The following SIPA1L1 variants were observed in gnomAD, a reference collection of about 807,000 sequenced individuals.
SIPA1L1 encodes the protein signal-induced proliferation-associated 1-like protein 1.
A neutral mutation model predicts 162.7 loss-of-function variants in SIPA1L1; 26 were observed. The ratio of observed to expected loss-of-function variants is 0.16; its 90% CI spans 0.12 to 0.22. The LOEUF is 0.22. Among genes scored for constraint, SIPA1L1 ranks in the 10% least tolerant of loss-of-function variants. SIPA1L1 has a pLI of 1.00. For missense variants in SIPA1L1, 1,874 were observed against 2,241.0 expected (o/e 0.84, Z 3.31); for synonymous variants, 829 against 837.4 (o/e 0.99, Z 0.17).
intron 12 of SIPA1L1, among the ~76,000 whole-genome samples, chr14:71,673,016 T>C (rs74930632): frequency 1.2e-3 from 176 of 152,340 alleles, no homozygotes; most frequent in African/African-American, 4.0e-3. Flanking sequence ...ATGCTCTTAT[T>C]CTCTTCTCTC....
intron 17 of SIPA1L1, 82 bp downstream of exon 17, chr14:71,709,746 A>G (rs576259672): frequency 6.5e-5 from 77 of 1,176,104 alleles, no homozygotes; most frequent in Non-Finnish European, 8.4e-5. Flanking sequence ...ACTTTGCTCA[A>G]TAGTGTATAA....
chr14:71,594,331 A>C (rs746033561), intron 5 of SIPA1L1, among the ~76,000 whole-genome samples: 4 of 152,208 alleles, frequency 2.6e-5, no homozygotes, highest in Admixed American at 6.5e-5. Flanking sequence ...AGCTGTTATA[A>C]ATTTTAGTGG....
intron 2 of SIPA1L1, among the ~76,000 whole-genome samples, chr14:71,329,582 T>C (rs779097528): frequency 1.6e-4 from 25 of 152,108 alleles, no homozygotes; most frequent in Non-Finnish European, 2.9e-5. Flanking sequence ...CTGGGACTAA[T>C]GGTGTACACC....
At chr14:71,424,588 G>A (rs2043424750) in intron 2 of SIPA1L1, among the ~76,000 whole-genome samples, 1 of 152,012 alleles carries the variant, frequency 6.6e-6, no homozygotes. Flanking sequence ...ATCTTTGTAT[G>A]TTGAGCCATC....
chr14:71,658,521 C>A, intron 9 of SIPA1L1, 85 bp downstream of exon 9: 1 of 897,856 alleles, frequency 1.1e-6, no homozygotes. Flanking sequence ...AAATCTTAAA[C>A]CAGAATTTAG....
intron 13 of SIPA1L1, 111 bp downstream of exon 13, chr14:71,685,742 T>C: frequency 7.4e-7 from 1 of 1,355,054 alleles, no homozygotes; most frequent in Non-Finnish European, 1.0e-6. Flanking sequence ...AAACAAAGAA[T>C]TAAACTGAGG....
At chr14:71,685,254 G>A in intron 12 of SIPA1L1, 108 bp from the exon 13 acceptor site, 1 of 1,222,290 alleles carries the variant, frequency 8.2e-7, no homozygotes, top group South Asian at 1.4e-5. Context: ...TTGAAACAGA[G>A]GGTGAAATTG....
chr14:71,544,157 G>A (rs544949811), intron 4 of SIPA1L1, among the ~76,000 whole-genome samples: 18 of 149,870 alleles, frequency 1.2e-4, no homozygotes, highest in South Asian at 8.4e-4. Context: ...GCACGTGTGT[G>A]TATATGTACA....
chr14:71,594,345 AT>A (rs1219886708), intron 5 of SIPA1L1, among the ~76,000 whole-genome samples: 1 of 152,180 alleles, frequency 6.6e-6, no homozygotes, highest in Non-Finnish European at 1.5e-5. Context: ...TTAGTGGATT[AT>A]TTTTTAGTGC....
chr14:71,515,885 G>A (rs920235943), intron 3 of SIPA1L1, among the ~76,000 whole-genome samples: 5 of 152,090 alleles, frequency 3.3e-5, no homozygotes, highest in East Asian at 3.8e-4. Flanking sequence ...CAAGTGATCC[G>A]CCTGCCTCAG....
At chr14:71,440,766 G>A (rs2044785276) in intron 2 of SIPA1L1, among the ~76,000 whole-genome samples, 1 of 151,894 alleles carries the variant, frequency 6.6e-6, no homozygotes, top group Admixed American at 6.6e-5. Context: ...TATGGGGAGT[G>A]GTGTACAGAG....
intron 2 of SIPA1L1, among the ~76,000 whole-genome samples, chr14:71,373,628 C>A (rs2039099605): frequency 6.7e-6 from 1 of 149,460 alleles, no homozygotes; most frequent in African/African-American, 2.5e-5. Context: ...CTGGACTCCA[C>A]CTTGGGTGAC....
chr14:71,399,288 C>T (rs749884319), intron 2 of SIPA1L1, among the ~76,000 whole-genome samples: 5 of 152,200 alleles, frequency 3.3e-5, no homozygotes, highest in African/African-American at 4.8e-5. Context: ...CCACCCCATC[C>T]GTTTCCTGTA....
At chr14:71,708,740 G>A (rs542127341) in intron 16 of SIPA1L1, among the ~76,000 whole-genome samples, 18 of 152,256 alleles carry the variant, frequency 1.2e-4, no homozygotes, top group Admixed American at 9.8e-4. Flanking sequence ...TCACCTCAAA[G>A]CATGTCTTAG....
intron 5 of SIPA1L1, among the ~76,000 whole-genome samples, chr14:71,591,272 A>G (rs559362095): frequency 2.7e-5 from 4 of 150,678 alleles, no homozygotes; most frequent in Non-Finnish European, 4.4e-5. Context: ...GAAGGTAGGT[A>G]CTATTGTTAA....
chr14:71,553,110 T>G (rs564472783), intron 4 of SIPA1L1, among the ~76,000 whole-genome samples: 1 of 152,332 alleles, frequency 6.6e-6, no homozygotes, highest in South Asian at 2.1e-4. Flanking sequence ...CAATGAATAC[T>G]TTTTCTTCTA....
At chr14:71,579,897 C>T (rs1237734447) in intron 4 of SIPA1L1, among the ~76,000 whole-genome samples, 1 of 152,174 alleles carries the variant, frequency 6.6e-6, no homozygotes, top group African/African-American at 2.4e-5. Flanking sequence ...TTCCTTCCTA[C>T]TGAGCCCCTT....
intron 2 of SIPA1L1, among the ~76,000 whole-genome samples, chr14:71,499,040 C>T (rs1193534759): frequency 6.6e-6 from 1 of 152,104 alleles, no homozygotes; most frequent in Non-Finnish European, 1.5e-5. Flanking sequence ...TAACAAGTGA[C>T]AAGAAAAAGT....
intron 2 of SIPA1L1, among the ~76,000 whole-genome samples, chr14:71,486,122 ATAGTGAAT>A (rs2048738627): frequency 6.6e-6 from 1 of 152,260 alleles, no homozygotes; most frequent in Non-Finnish European, 1.5e-5. Flanking sequence ...ACAGAAAAAG[ATAGTGAAT>A]CATGAAATAT....
Sources: allele counts gnomAD v4.1 joint callset (sites outside exome capture counted in the v4.1 genomes callset), GRCh38; gene constraint gnomAD v4.1.1; transcripts MANE v1.5; gene names NCBI Gene and HGNC (gene_info 2026-07-23, HGNC 2026-07-21).